NETO1: variants seen among roughly 807,000 people sequenced by gnomAD.
NETO1 encodes neuropilin and tolloid-like protein 1.
NETO1 carries 26 observed loss-of-function variants against 61.3 expected under a neutral mutation model. That is an observed-to-expected ratio of 0.42 (90% confidence interval 0.31 to 0.59). The LOEUF (loss-of-function observed/expected upper bound fraction) is 0.59. Among genes scored for constraint, NETO1 ranks in the 20% least tolerant of loss-of-function variants. NETO1 has a pLI of 0.12. For missense variants in NETO1, 531 were observed against 662.8 expected, an observed-to-expected ratio of 0.80 and a Z score of 2.18; for synonymous variants, 225 against 225.8, an observed-to-expected ratio of 1.00 and a Z score of 0.03.
chr18:72,841,235 G>C (rs2073920270), intron 4 of NETO1, among the ~76,000 whole-genome samples: 1 of 152,074 alleles, frequency 6.6e-6, no homozygotes, highest in Non-Finnish European at 1.5e-5. Flanking sequence ...TTGCATTGTG[G>C]ATCAATGACT....
At chr18:72,865,054 T>A (rs781304223) in intron 2 of NETO1, 109 bp from the exon 3 acceptor site, 9 of 1,421,748 alleles carry the variant, frequency 6.3e-6, no homozygotes, top group Non-Finnish European at 7.6e-6. Context: ...TTTTTAAATG[T>A]TGTCTTAGCC....
At chr18:72,853,618 C>T (rs998105222) in intron 4 of NETO1, among the ~76,000 whole-genome samples, 1 of 151,840 alleles carries the variant, frequency 6.6e-6, no homozygotes, top group South Asian at 2.1e-4. Flanking sequence ...ATCAGCCATG[C>T]GTGGAGTTGC....
intron 4 of NETO1, among the ~76,000 whole-genome samples, chr18:72,823,699 G>C (rs980022711): frequency 6.6e-6 from 1 of 152,100 alleles, no homozygotes; most frequent in Admixed American, 6.6e-5. Flanking sequence ...TTTTTCAATA[G>C]ATTTTTAAAA....
chr18:72,827,802 G>GAAA (rs1202943954), intron 4 of NETO1, among the ~76,000 whole-genome samples: 7 of 151,950 alleles, frequency 4.6e-5, no homozygotes, highest in Non-Finnish European at 1.0e-4. Context: ...AGGGACAGTT[G>GAAA]CTCTGACTTA....
intron 4 of NETO1, chr18:72,835,000 T>C: frequency 2.2e-6 from 2 of 913,636 alleles, no homozygotes; most frequent in Non-Finnish European, 2.6e-6. Context: ...AATATTATAT[T>C]AAAAGATTAT....
chr18:72,843,584 G>A (rs1473313015), intron 4 of NETO1, among the ~76,000 whole-genome samples: 1 of 152,146 alleles, frequency 6.6e-6, no homozygotes, highest in Non-Finnish European at 1.5e-5. Flanking sequence ...CATATGCGGT[G>A]TAGCTCATGT....
chr18:72,810,421 C>T (rs182164902), intron 4 of NETO1, among the ~76,000 whole-genome samples: 47 of 152,268 alleles, frequency 3.1e-4, no homozygotes, highest in African/African-American at 1.1e-3. Flanking sequence ...ATGATTATTC[C>T]TGGACCTCCA....
intron 4 of NETO1, among the ~76,000 whole-genome samples, chr18:72,845,619 T>C (rs1452085028): frequency 6.6e-6 from 1 of 152,176 alleles, no homozygotes; most frequent in Non-Finnish European, 1.5e-5. Flanking sequence ...TCAAACAAAA[T>C]TATTTTTAGT....
intron 4 of NETO1, among the ~76,000 whole-genome samples, chr18:72,802,187 C>T (rs1003575975): frequency 8.7e-5 from 13 of 149,942 alleles, no homozygotes; most frequent in Non-Finnish European, 7.4e-5. Context: ...TATTTTTAAA[C>T]GTAGACATCA....
intron 6 of NETO1, among the ~76,000 whole-genome samples, chr18:72,789,554 T>C (rs957837302): frequency 1.3e-5 from 2 of 152,188 alleles, no homozygotes; most frequent in African/African-American, 4.8e-5. Flanking sequence ...ATTAATATTC[T>C]ATTGCTCGGT....
At chr18:72,792,609 T>G (rs1387883328) in intron 6 of NETO1, among the ~76,000 whole-genome samples, 3 of 151,646 alleles carry the variant, frequency 2.0e-5, no homozygotes, top group African/African-American at 7.3e-5. Flanking sequence ...GCTTGCAGTG[T>G]TGACTCCTCT....
Position 72,746,016 on chromosome 18 carries a change from G to A in NETO1, c.*2163C>T, listed in dbSNP as rs1470058859. The stretch of plus-strand genomic sequence containing the variant: ...ACTTCATTTAGTGTTTTTTTTTAAA[G>A]TCCCATTGGTAGATTTCTGGTGAAA... On this transcript the variant is annotated 3_prime_UTR_variant, in exon 11 of 11. Coordinates refer to ENST00000327305, the MANE Select transcript of NETO1 (RefSeq NM_138966.5). The A allele has an allele frequency of 6.6e-6, 1 of 151,948 alleles. No individual in the cohort carries two copies. The highest frequency in any genetic ancestry group is 1.9e-4 in the East Asian group (1 of 5,196). 9.4% of individuals were successfully genotyped at this position (151,948 alleles called of 1,614,324 possible). A position where few individuals can be genotyped will look rare whatever the true frequency, so the allele number is the denominator to read the frequency against.
rs767804434 is a variant in NETO1, at chr18:72,750,389, G to C, written c.1214C>G (p.Ala405Gly). ...LCTLRGTGAT[A>G]DFADVADDFE... ...GTCATCTGCCACATCTGCAAAGTCA[G>C]CTGTAGCTCCTGTCCCTCTGAGAGT... The change falls in exon 9 of 11, where the codon GCT becomes GGT. Residue 405 changes from alanine to glycine, a missense_variant. Ala to Gly is a moderately conservative substitution (Grantham distance 60). Transcript: ENST00000327305. 3.7e-6 allele frequency: 6 copies of C among 1,614,000 alleles called. No individual in the cohort carries two copies. In the Admixed American group the frequency reaches 1.0e-4, roughly 27 times the overall value.
At chr18:72,801,676 A>G (rs1256019345) in intron 4 of NETO1, among the ~76,000 whole-genome samples, 1 of 152,230 alleles carries the variant, frequency 6.6e-6, no homozygotes, top group Non-Finnish European at 1.5e-5. Context: ...TACTGAGGTT[A>G]CACAGAAGCA....
At chr18:72,853,619 G>C (rs1026550003) in intron 4 of NETO1, among the ~76,000 whole-genome samples, 2 of 151,918 alleles carry the variant, frequency 1.3e-5, no homozygotes, top group Non-Finnish European at 2.9e-5. Flanking sequence ...TCAGCCATGC[G>C]TGGAGTTGCA....
chr18:72,796,758 C>T (rs1307730378), intron 4 of NETO1, among the ~76,000 whole-genome samples: 1 of 151,808 alleles, frequency 6.6e-6, no homozygotes, highest in Non-Finnish European at 1.5e-5. Flanking sequence ...GCCACCGCGC[C>T]CGGCCGAAAA....
At chr18:72,769,770 CTT>C (rs776400993) in intron 7 of NETO1, among the ~76,000 whole-genome samples, 60 of 152,218 alleles carry the variant, frequency 3.9e-4, no homozygotes, top group African/African-American at 9.9e-4. Context: ...CTTCTAACCT[CTT>C]GTTTCTTAAC....
At chr18:72,805,321 A>G (rs2072639417) in intron 4 of NETO1, among the ~76,000 whole-genome samples, 1 of 152,342 alleles carries the variant, frequency 6.6e-6, no homozygotes, top group African/African-American at 2.4e-5. Flanking sequence ...AATTTTTATG[A>G]GACAGAGTTC....
intron 4 of NETO1, among the ~76,000 whole-genome samples, chr18:72,809,125 C>G (rs1484061018): frequency 2.6e-5 from 4 of 152,192 alleles, no homozygotes; most frequent in Admixed American, 2.0e-4. Context: ...CTCTGCTCGT[C>G]ACATCTAGAA....
Sources: gnomAD v4.1 joint callset for allele counts (sites outside exome capture counted in the v4.1 genomes callset) on GRCh38, gnomAD v4.1.1 for gene constraint, MANE v1.5 for transcripts, NCBI Gene and HGNC (gene_info 2026-07-23, HGNC 2026-07-21) for gene names.